Variants in ERC2 observed in about 807,000 individuals in gnomAD.
ERC2 encodes ELKS/RAB6-interacting/CAST family member 2, also known as ERC protein 2.
In ERC2, 42 loss-of-function variants were observed where a neutral mutation model predicts 114.8. The ratio of observed to expected loss-of-function variants is 0.37; its 90% CI spans 0.29 to 0.47. ERC2 has a LOEUF of 0.47. Among genes scored for constraint, ERC2 ranks in the 20% least tolerant of loss-of-function variants. ERC2 has a pLI of 0.99. For missense variants in ERC2, 939 were observed against 1,150.7 expected (o/e 0.82, Z 2.66); for synonymous variants, 454 against 425.5 (o/e 1.07, Z -0.82).
At chr3:56,007,081 C>G in intron 10 of ERC2, 100 bp downstream of exon 10, 4 of 1,033,580 alleles carry the variant, frequency 3.9e-6, no homozygotes, top group Non-Finnish European at 5.5e-6. Context: ...CAGACAGCAA[C>G]AGATAAGGGG....
chr3:55,755,129 C>T (rs2066968693), intron 14 of ERC2, among the ~76,000 whole-genome samples: 1 of 150,980 alleles, frequency 6.6e-6, no homozygotes, highest in African/African-American at 2.4e-5. Flanking sequence ...TCCATCTGCA[C>T]TTCATTTATT....
At chr3:55,622,722 A>G (rs2059374283) in intron 17 of ERC2, among the ~76,000 whole-genome samples, 1 of 151,920 alleles carries the variant, frequency 6.6e-6, no homozygotes, top group Non-Finnish European at 1.5e-5. Flanking sequence ...TTGTTTGTTT[A>G]TACTCTGCCT....
chr3:55,727,263 C>T (rs953672329), intron 15 of ERC2, among the ~76,000 whole-genome samples: 1 of 152,104 alleles, frequency 6.6e-6, no homozygotes, highest in African/African-American at 2.4e-5. Context: ...AGAAAAAGAA[C>T]CAAATCAAAA....
In ERC2 at chr3:56,089,637, G is replaced by A. The variant is rs145981131; in HGVS notation, c.1474-8653C>T. Reference sequence around the variant, plus strand: ...TCAATGAGGATTAGCCATATTTCAGGTGCTCAATAGCCATATGTGGCTCAT... The same window carrying A: ...TCAATGAGGATTAGCCATATTTCAGATGCTCAATAGCCATATGTGGCTCAT... On this transcript the variant is annotated intron_variant, in intron 6 of 17. Transcript: ENST00000288221. Among the ~76,000 whole-genome samples, 609 of 151,722 alleles carry A rather than the reference G, an allele frequency of 4.0e-3. 10 individuals are homozygous for A. Among genetic ancestry groups the A allele is most frequent in the African/African-American group, 0.014 (583 of 41,302 alleles).
At chr3:56,361,691 G>A (rs911045252) in intron 2 of ERC2, among the ~76,000 whole-genome samples, 9 of 152,236 alleles carry the variant, frequency 5.9e-5, no homozygotes, top group African/African-American at 2.2e-4. Flanking sequence ...AGGGCCATCA[G>A]GCACCATCAG....
At chr3:55,811,925 T>C (rs969216582) in intron 14 of ERC2, among the ~76,000 whole-genome samples, 3 of 152,196 alleles carry the variant, frequency 2.0e-5, no homozygotes, top group Non-Finnish European at 4.4e-5. Context: ...AAACGTTACA[T>C]AGGCCATGGT....
chr3:56,199,662 C>A (rs1324811103), intron 3 of ERC2, among the ~76,000 whole-genome samples: 3 of 151,902 alleles, frequency 2.0e-5, no homozygotes, highest in Non-Finnish European at 4.4e-5. Flanking sequence ...TGCATACCAC[C>A]ACACCTGGCT....
chr3:56,080,767 G>C (rs2077191642), intron 7 of ERC2, 50 bp downstream of exon 7: 1 of 1,560,746 alleles, frequency 6.4e-7, no homozygotes. Context: ...TTTCTAAAAT[G>C]ACAAAACATG....
chr3:56,007,160 T>G, intron 10 of ERC2, 21 bp downstream of exon 10: 1 of 1,533,632 alleles, frequency 6.5e-7, no homozygotes, highest in African/African-American at 1.4e-5. Context: ...AGCATGATTC[T>G]TTTTCTTAGA....
At chr3:55,942,390 G>A (rs1245329245) in intron 13 of ERC2, among the ~76,000 whole-genome samples, 5 of 134,128 alleles carry the variant, frequency 3.7e-5, no homozygotes, top group South Asian at 2.5e-4. Context: ...CCGGGTTCAC[G>A]CCATTCTCCT....
intron 12 of ERC2, among the ~76,000 whole-genome samples, chr3:55,952,785 C>T (rs1307475729): frequency 6.6e-6 from 1 of 152,200 alleles, no homozygotes; most frequent in African/African-American, 2.4e-5. Context: ...CCACAAAGTT[C>T]TTGGAGCAGT....
At chr3:56,269,236 T>C (rs2053508645) in intron 3 of ERC2, among the ~76,000 whole-genome samples, 1 of 152,248 alleles carries the variant, frequency 6.6e-6, no homozygotes, top group Admixed American at 6.5e-5. Flanking sequence ...GTCAAGTTAC[T>C]ATTCTGAGGA....
intron 16 of ERC2, among the ~76,000 whole-genome samples, chr3:55,695,847 T>G (rs1238681692): frequency 1.3e-5 from 2 of 152,226 alleles, no homozygotes; most frequent in Admixed American, 6.5e-5. Context: ...AAAAGAAATC[T>G]ACAATCAAAT....
At chr3:55,728,889 T>C (rs2065080670) in intron 15 of ERC2, among the ~76,000 whole-genome samples, 2 of 152,174 alleles carry the variant, frequency 1.3e-5, no homozygotes, top group Non-Finnish European at 2.9e-5. Flanking sequence ...AAAAATCTCG[T>C]CAGGTGTGAC....
At chr3:56,262,973 G>A (rs2053041778) in intron 3 of ERC2, among the ~76,000 whole-genome samples, 2 of 152,058 alleles carry the variant, frequency 1.3e-5, no homozygotes, top group African/African-American at 4.8e-5. Flanking sequence ...ATAGAAACTG[G>A]CCAGAGATGT....
intron 8 of ERC2, among the ~76,000 whole-genome samples, chr3:56,015,160 A>C (rs933641401): frequency 1.3e-5 from 2 of 152,136 alleles, no homozygotes; most frequent in African/African-American, 4.8e-5. Context: ...TCAATGTCAA[A>C]ATGTACATTC....
intron 3 of ERC2, among the ~76,000 whole-genome samples, chr3:56,183,741 C>T (rs963250419): frequency 4.6e-5 from 7 of 151,960 alleles, no homozygotes; most frequent in African/African-American, 1.2e-4. Flanking sequence ...ATGAGGGTGA[C>T]GTCATGCCTA....
intron 10 of ERC2, 93 bp downstream of exon 10, chr3:56,007,088 G>C: frequency 9.0e-7 from 1 of 1,109,040 alleles, no homozygotes; most frequent in Non-Finnish European, 1.3e-6. Flanking sequence ...CAACAGATAA[G>C]GGGTTTGTTT....
In ERC2 at chr3:55,865,598, C is replaced by A. The variant is rs557416033; in HGVS notation, c.2564+22791G>T. On this transcript the variant is annotated intron_variant, in intron 14 of 17. Coordinates refer to ENST00000288221, the MANE Select transcript of ERC2 (RefSeq NM_015576.3). ...TTTCACCCCAAACAGAACCCTATAC[C>A]CATTACCAGTCACCTCTCTCACTCT... Among the ~76,000 whole-genome samples, 6 of 152,066 alleles carry A rather than the reference C, an allele frequency of 3.9e-5. No individual in the cohort carries two copies. In the South Asian group the frequency reaches 1.2e-3, roughly 32 times the overall value.
Sources: allele counts gnomAD v4.1 joint callset (sites outside exome capture counted in the v4.1 genomes callset), GRCh38; gene constraint gnomAD v4.1.1; transcripts MANE v1.5; gene names NCBI Gene and HGNC (gene_info 2026-07-23, HGNC 2026-07-21).